ABCC1: variants seen among roughly 807,000 people sequenced by gnomAD.
The protein encoded by ABCC1 is multidrug resistance-associated protein 1.
In ABCC1, 83 loss-of-function variants were observed where a neutral mutation model predicts 172.9. The ratio of observed to expected loss-of-function variants is 0.48; its 90% CI spans 0.40 to 0.58. ABCC1 has a LOEUF of 0.58. Ranked by LOEUF, ABCC1 falls within the 20% of genes least tolerant of loss-of-function variation. The probability of loss-of-function intolerance (pLI) is 0.00; values close to 1 mark genes in which losing one functional copy is unlikely to be tolerated. For missense variants in ABCC1, 1,817 were observed against 2,002.7 expected, an observed-to-expected ratio of 0.91 and a Z score of 1.77; for synonymous variants, 937 against 825.2, an observed-to-expected ratio of 1.14 and a Z score of -2.32.
At chr16:15,969,918 G>T (rs1567279290) in intron 1 of ABCC1, among the ~76,000 whole-genome samples, 1 of 152,082 alleles carries the variant, frequency 6.6e-6, no homozygotes, top group Non-Finnish European at 1.5e-5. Flanking sequence ...TACAGAGCAT[G>T]GTTCCCTGCC....
chr16:16,115,838 G>A (rs1253462740), intron 23 of ABCC1, among the ~76,000 whole-genome samples: 3 of 151,776 alleles, frequency 2.0e-5, no homozygotes. Flanking sequence ...CCAGATACCT[G>A]CTTTTATTTA....
intron 1 of ABCC1, among the ~76,000 whole-genome samples, chr16:15,981,060 C>T (rs1047225305): frequency 1.3e-5 from 2 of 152,234 alleles, no homozygotes; most frequent in African/African-American, 4.8e-5. Context: ...TCCTTTGACT[C>T]CATGTCTCAC....
At chr16:16,134,238 G>C (rs1282988128) in intron 27 of ABCC1, 112 bp from the exon 28 acceptor site, 1 of 1,370,214 alleles carries the variant, frequency 7.3e-7, no homozygotes, top group African/African-American at 1.4e-5. Flanking sequence ...CTGTCGAGTT[G>C]GGTTGACCAG....
intron 9 of ABCC1, among the ~76,000 whole-genome samples, chr16:16,046,973 T>C (rs1278794003): frequency 8.1e-6 from 1 of 123,466 alleles, no homozygotes; most frequent in Non-Finnish European, 1.6e-5. Context: ...GGTGGGGGAA[T>C]CACTGGAGGC....
rs1228532784 is a variant in ABCC1, at chr16:15,999,769, T to TTCTCTCTCTCTCTCTCTC, written c.49-8024_49-8007dup. On this transcript the variant is annotated intron_variant, in intron 1 of 30. Coordinates refer to ENST00000399410, the MANE Select transcript of ABCC1 (RefSeq NM_004996.4). ...GTGTGAGCCTCTGTGCCCGGCCTCT[T>TTCTCTCTCTCTCTCTCTC]TCTCTCTCTCTCTCTCTCTCTCTCT... Among the ~76,000 whole-genome samples, 51 of 25,364 alleles carry TTCTCTCTCTCTCTCTCTC rather than the reference T, an allele frequency of 2.0e-3. 15 individuals are homozygous for TTCTCTCTCTCTCTCTCTC. Among genetic ancestry groups the TTCTCTCTCTCTCTCTCTC allele is most frequent in the East Asian group, 4.4e-3 (3 of 682 alleles). 16.6% of individuals were successfully genotyped at this position (25,364 alleles called of 152,430 possible).
chr16:16,090,502 A>G lies in ABCC1; in HGVS notation c.2558A>G (p.Gln853Arg). 2 of 1,613,986 alleles carry G rather than the reference A, an allele frequency of 1.2e-6. No individual in the cohort carries two copies. Among genetic ancestry groups the G allele is most frequent in the Non-Finnish European group, 8.5e-7 (1 of 1,179,984 alleles). ...AAGATCTCTGAGATGGGCTCCTACCAGGAGCTGCTGGCTCGAGACGGCGCC... is the reference window on the plus strand; with the variant it reads ...AAGATCTCTGAGATGGGCTCCTACCGGGAGCTGCTGGCTCGAGACGGCGCC... ...GGKISEMGSY[Q>R]ELLARDGAFA... Residue 853 changes from glutamine to arginine, a missense_variant, in exon 19 of 31, where the codon CAG (glutamine) becomes CGG (arginine). Physicochemically the swap from Gln to Arg is conservative, Grantham distance 43. Coordinates refer to ENST00000399410, the MANE Select transcript of ABCC1 (RefSeq NM_004996.4).
At chr16:15,989,068 CAAAAAAAAAAAAA>C (rs35441399) in intron 1 of ABCC1, among the ~76,000 whole-genome samples, 2 of 76,678 alleles carry the variant, frequency 2.6e-5, no homozygotes, top group African/African-American at 1.0e-4. Flanking sequence ...GACTCTGTCT[CAAAAAAAAAAAAA>C]AAAAAAAAAA....
At chr16:16,045,395 C>CAAAAAAAAAAAAAAAAAAAAAAAAAAAA (rs34870561) in intron 8 of ABCC1, among the ~76,000 whole-genome samples, 1 of 64,704 alleles carries the variant, frequency 1.5e-5, no homozygotes, top group South Asian at 6.7e-4. Flanking sequence ...GACTTTGTCT[C>CAAAAAAAAAAAAAAAAAAAAAAAAAAAA]AAAAAAAAAA....
chr16:16,092,164 G>C (rs2051281201), intron 19 of ABCC1, among the ~76,000 whole-genome samples: 1 of 152,212 alleles, frequency 6.6e-6, no homozygotes, highest in African/African-American at 2.4e-5. Context: ...TTTGAACCTT[G>C]GAGGCGGAGG....
At chr16:16,072,873 C>T (rs1447976023) in intron 14 of ABCC1, among the ~76,000 whole-genome samples, 1 of 151,462 alleles carries the variant, frequency 6.6e-6, no homozygotes, top group Non-Finnish European at 1.5e-5. Context: ...GAAACCCCGT[C>T]TCTACTGAAA....
chr16:15,953,933 C>T (rs2045931809), intron 1 of ABCC1, among the ~76,000 whole-genome samples: 1 of 151,984 alleles, frequency 6.6e-6, no homozygotes, highest in African/African-American at 2.4e-5. Flanking sequence ...TTTTCCCCTC[C>T]TCCAAGTGTG....
chr16:16,125,976 G>A, intron 26 of ABCC1, 65 bp downstream of exon 26: 1 of 1,281,360 alleles, frequency 7.8e-7, no homozygotes, highest in Non-Finnish European at 1.1e-6. Flanking sequence ...GGAGATCTCT[G>A]GACCCTATCC....
At chr16:15,968,081 G>C (rs987903576) in intron 1 of ABCC1, among the ~76,000 whole-genome samples, 20 of 152,278 alleles carry the variant, frequency 1.3e-4, no homozygotes, top group African/African-American at 4.3e-4. Context: ...TGCCCAGTCT[G>C]GAGTACAGTG....
chr16:16,109,518 A>G (rs2052294450), intron 21 of ABCC1, among the ~76,000 whole-genome samples: 1 of 152,196 alleles, frequency 6.6e-6, no homozygotes, highest in Non-Finnish European at 1.5e-5. Flanking sequence ...GAAAAGCTTG[A>G]AATGACAATG....
intron 29 of ABCC1, 124 bp from the exon 30 acceptor site, chr16:16,138,239 TG>T: frequency 1.3e-6 from 1 of 767,322 alleles, no homozygotes; most frequent in Non-Finnish European, 2.0e-6. Context: ...ATGTTGGGAG[TG>T]GACATGCTTT....
At chr16:16,062,207 C>T (rs2049946410) in intron 12 of ABCC1, among the ~76,000 whole-genome samples, 1 of 152,230 alleles carries the variant, frequency 6.6e-6, no homozygotes, top group Admixed American at 6.5e-5. Context: ...TTTTGCTCTG[C>T]ACATTGGATT....
In ABCC1 at chr16:16,068,401, C is replaced by G. The variant is rs1300287353; in HGVS notation, c.1824+99C>G. 2.2e-5 allele frequency: 31 copies of G among 1,412,982 alleles called. No individual in the cohort carries two copies. The East Asian group carries it at 5.5e-4, about 25-fold the overall frequency. 87.5% of individuals were successfully genotyped at this position (1,412,982 alleles called of 1,614,324 possible). A position where few individuals can be genotyped will look rare whatever the true frequency, so the allele number is the denominator to read the frequency against. ...CCGAGCGCAGCCTCTAGATCACACTCCCGGTCGGGCTCCATGAGGCCCGGA... is the reference window on the plus strand; with the variant it reads ...CCGAGCGCAGCCTCTAGATCACACTGCCGGTCGGGCTCCATGAGGCCCGGA... On this transcript the variant is annotated intron_variant, in intron 13 of 30. Coordinates refer to ENST00000399410, the MANE Select transcript of ABCC1 (RefSeq NM_004996.4).
At chr16:16,092,427 TTC>T (rs754121317) in intron 19 of ABCC1, among the ~76,000 whole-genome samples, 25 of 152,306 alleles carry the variant, frequency 1.6e-4, no homozygotes, top group Admixed American at 3.3e-4. Context: ...CCACTAATCT[TTC>T]TGTCTCTCTA....
intron 1 of ABCC1, among the ~76,000 whole-genome samples, chr16:16,001,051 C>A (rs1197655853): frequency 6.6e-6 from 1 of 152,142 alleles, no homozygotes; most frequent in Non-Finnish European, 1.5e-5. Context: ...GCAACAGTGT[C>A]TAGAACATTA....
Sources: gnomAD v4.1 joint callset for allele counts (sites outside exome capture counted in the v4.1 genomes callset) on GRCh38, gnomAD v4.1.1 for gene constraint, MANE v1.5 for transcripts, NCBI Gene and HGNC (gene_info 2026-07-23, HGNC 2026-07-21) for gene names.